Variants in SMURF1 observed in about 807,000 individuals in gnomAD.
SMURF1 encodes the protein SMAD specific E3 ubiquitin protein ligase 1.
Under a neutral mutation model 98.0 loss-of-function variants are expected in SMURF1, and 44 were observed. The ratio of observed to expected loss-of-function variants is 0.45; its 90% confidence interval spans 0.35 to 0.58. The LOEUF is 0.58. Among genes scored for constraint, SMURF1 ranks in the 20% least tolerant of loss-of-function variants. SMURF1 has a pLI of 0.00. For missense variants in SMURF1, 687 were observed against 938.4 expected (o/e 0.73, Z 3.50); for synonymous variants, 396 against 374.9 (o/e 1.06, Z -0.65).
chr7:99,057,605 G>GTTTTTTT (rs548576398), intron 3 of SMURF1, 54 bp from the exon 4 acceptor site: 3 of 1,105,230 alleles, frequency 2.7e-6, no homozygotes, highest in African/African-American at 2.9e-5. Flanking sequence ...TTTTTGTTTT[G>GTTTTTTT]TTTTTTTTTT....
At position 99,052,323 on chromosome 7, in the gene SMURF1, TG is replaced by T; in HGVS notation, c.602del (p.Pro201GlnfsTer74). The T allele has an allele frequency of 6.2e-7, 1 of 1,612,986 alleles. No individual in the cohort carries two copies. The highest frequency in any genetic ancestry group is 8.5e-7 in the Non-Finnish European group (1 of 1,179,564). On this transcript the variant is annotated frameshift_variant, in exon 7 of 18. Coordinates refer to ENST00000361368, the MANE Select transcript of SMURF1 (RefSeq NM_181349.3). LOFTEE classifies it high-confidence loss of function. ...GTGCCTGAAGTCTTTGATCTTGACT[TG>T]GGGACTCCACGAACCTGCAATTCCC... ...GGGNCRFVES[P>X]SQDQRLQAQR...
At chr7:99,080,958 T>G (rs964571646) in intron 1 of SMURF1, 5 of 152,230 alleles carry the variant, frequency 3.3e-5, no homozygotes, top group African/African-American at 1.2e-4. Flanking sequence ...CAAGCCTCAG[T>G]GAAGCCCGAA....
chr7:99,122,318 ACT>A (rs941262103), intron 1 of SMURF1, among the ~76,000 whole-genome samples: 2 of 143,762 alleles, frequency 1.4e-5, no homozygotes, highest in African/African-American at 5.2e-5. Context: ...ATAGAGTGAG[ACT>A]CTGTCTCAAA....
intron 1 of SMURF1, among the ~76,000 whole-genome samples, chr7:99,130,816 A>G (rs1339380544): frequency 1.3e-5 from 2 of 152,120 alleles, no homozygotes; most frequent in African/African-American, 4.8e-5. Flanking sequence ...TGTGGGTGGG[A>G]CTAACCCCCT....
At chr7:99,118,750 C>T (rs554349789) in intron 1 of SMURF1, among the ~76,000 whole-genome samples, 48 of 152,184 alleles carry the variant, frequency 3.2e-4, no homozygotes, top group African/African-American at 1.0e-3. Flanking sequence ...GTACTAAGAG[C>T]CACTTAATTA....
intron 10 of SMURF1, among the ~76,000 whole-genome samples, chr7:99,046,667 G>A (rs138103565): frequency 0.037 from 5,492 of 149,660 alleles, 126 homozygotes; most frequent in South Asian, 0.055. Flanking sequence ...GGGAGTCAGA[G>A]GTTGCAGTGA....
At chr7:99,090,884 G>A (rs1170847361) in intron 1 of SMURF1, among the ~76,000 whole-genome samples, 1 of 152,188 alleles carries the variant, frequency 6.6e-6, no homozygotes, top group Non-Finnish European at 1.5e-5. Flanking sequence ...TTGCAAGGGT[G>A]TAATCCTACA....
At chr7:99,032,496 C>T (rs1329149819) in intron 17 of SMURF1, among the ~76,000 whole-genome samples, 3 of 152,198 alleles carry the variant, frequency 2.0e-5, no homozygotes, top group Non-Finnish European at 4.4e-5. Flanking sequence ...TGGCAAAACC[C>T]CATCTCTACT....
At chr7:99,073,614 G>C (rs1393289569) in intron 1 of SMURF1, among the ~76,000 whole-genome samples, 1 of 151,644 alleles carries the variant, frequency 6.6e-6, no homozygotes, top group East Asian at 1.9e-4. Flanking sequence ...AAAATATAAA[G>C]AATTAGCTGG....
chr7:99,050,561 T>TGAA (rs542115361), intron 8 of SMURF1: 58 of 183,108 alleles, frequency 3.2e-4, no homozygotes, highest in Non-Finnish European at 5.6e-4. Context: ...ATTCTCCTGA[T>TGAA]TAATAATTTC....
chr7:99,040,291 A>ACG lies in SMURF1; in HGVS notation c.1550+86_1550+87insCG, dbSNP rs1196860265. ...TCACACACATCCCCAAAATACACAC[A>ACG]CACGCGCGCGCGCGCGCACGCGCAT... On this transcript the variant is annotated intron_variant, in intron 13 of 17. Transcript: ENST00000361368. 2.2e-5 allele frequency: 28 copies of ACG among 1,255,006 alleles called. No individual in the cohort carries two copies. In the East Asian group the frequency reaches 3.4e-4, roughly 15 times the overall value. 77.7% of individuals were successfully genotyped at this position (1,255,006 alleles called of 1,614,324 possible).
At chr7:99,035,178 A>T (rs1353747884) in intron 16 of SMURF1, among the ~76,000 whole-genome samples, 2 of 152,178 alleles carry the variant, frequency 1.3e-5, no homozygotes, top group Non-Finnish European at 2.9e-5. Context: ...GTTCCCCCAT[A>T]GCTCCCTCCC....
intron 1 of SMURF1, among the ~76,000 whole-genome samples, chr7:99,065,813 C>T (rs556437247): frequency 7.0e-4 from 107 of 152,020 alleles, no homozygotes; most frequent in Non-Finnish European, 1.3e-3. Context: ...TTTGGGAGGC[C>T]GAGGTGGGAG....
At chr7:99,086,168 A>T (rs1796674005) in intron 1 of SMURF1, among the ~76,000 whole-genome samples, 1 of 152,084 alleles carries the variant, frequency 6.6e-6, no homozygotes, top group African/African-American at 2.4e-5. Context: ...CAACATGGTG[A>T]AACTCCGTCT....
In SMURF1 at chr7:99,059,402, AAAAATAAAATAAAATAAAATAAAAT is replaced by A. The variant is rs59050463; in HGVS notation, c.203+1172_203+1196del. ...GACAGAGCAAGACTCCATCTCAAAA[AAAAATAAAATAAAATAAAATAAAAT>A]AAAATAAAATAAAATAAAATAAAAT... On this transcript the variant is annotated intron_variant, in intron 3 of 17. Transcript: ENST00000361368. Among the ~76,000 whole-genome samples, 77 of 77,440 alleles carry A rather than the reference AAAAATAAAATAAAATAAAATAAAAT, an allele frequency of 9.9e-4. 2 individuals are homozygous for A. Among genetic ancestry groups the A allele is most frequent in the South Asian group, 2.7e-3 (5 of 1,836 alleles). The allele number at this position is 77,440 out of a possible 152,430, so 50.8% of individuals were successfully genotyped here. A position where few individuals can be genotyped will look rare whatever the true frequency, so the allele number is the denominator to read the frequency against.
At chr7:99,125,698 C>A (rs775247167) in intron 1 of SMURF1, among the ~76,000 whole-genome samples, 1 of 152,214 alleles carries the variant, frequency 6.6e-6, no homozygotes, top group Non-Finnish European at 1.5e-5. Context: ...AGGACTGGAA[C>A]CCAGGCCACT....
At chr7:99,039,119 G>A (rs773765723) in intron 13 of SMURF1, among the ~76,000 whole-genome samples, 3 of 150,456 alleles carry the variant, frequency 2.0e-5, no homozygotes, top group Admixed American at 6.6e-5. Flanking sequence ...CTTGAACCTG[G>A]GAGGTGGAGG....
chr7:99,110,980 T>TA (rs771167793), intron 1 of SMURF1, among the ~76,000 whole-genome samples: 46 of 152,218 alleles, frequency 3.0e-4, no homozygotes, highest in Admixed American at 9.8e-4. Flanking sequence ...ACAAGTATTT[T>TA]AGCATTTGCT....
chr7:99,042,834 T>G (rs1795439608), intron 11 of SMURF1, among the ~76,000 whole-genome samples: 1 of 152,198 alleles, frequency 6.6e-6, no homozygotes, highest in Non-Finnish European at 1.5e-5. Flanking sequence ...TATTCTGGAA[T>G]TTCTTACTTT....
Sources: allele counts gnomAD v4.1 joint callset (sites outside exome capture counted in the v4.1 genomes callset), GRCh38; gene constraint gnomAD v4.1.1; transcripts MANE v1.5; gene names NCBI Gene and HGNC (gene_info 2026-07-23, HGNC 2026-07-21).